The following RFX8 variants were observed in gnomAD, a reference collection of about 807,000 sequenced individuals.
RFX8 encodes regulatory factor X8.
RFX8 carries 46 observed loss-of-function variants against 54.6 expected under a neutral mutation model. The observed-to-expected ratio is 0.84, with a 90% CI of 0.67 to 1.08. The LOEUF (loss-of-function observed/expected upper bound fraction) is 1.08. Among genes scored for constraint, RFX8 ranks in the 50% least tolerant of loss-of-function variants. The pLI, the probability that RFX8 is intolerant of heterozygous loss-of-function variation, is 0.00. For missense variants in RFX8, 536 were observed against 562.3 expected, an observed-to-expected ratio of 0.95 and a Z score of 0.47; for synonymous variants, 192 against 209.5, an observed-to-expected ratio of 0.92 and a Z score of 0.72.
Position 101,419,079 on chromosome 2 carries a change from T to G in RFX8, c.238-115A>C. The G allele has an allele frequency of 4.8e-6, 3 of 629,206 alleles. No individual in the cohort carries two copies. In the South Asian group the frequency reaches 5.7e-5, roughly 12 times the overall value. 39.0% of individuals were successfully genotyped at this position (629,206 alleles called of 1,614,324 possible). On this transcript the variant is annotated intron_variant, in intron 4 of 11. Coordinates refer to ENST00000428343, the MANE Select transcript of RFX8 (RefSeq NM_001145664.2). ...GACAATGGGATGAATTTTGTTCCAG[T>G]GCGTGTAAAGCTTTGCCTCTCAGCT...
At chr2:101,474,184 A>G in intron 1 of RFX8, 2 of 604,662 alleles carry the variant, frequency 3.3e-6, no homozygotes, top group South Asian at 1.7e-5. Flanking sequence ...CCAGCGTCCC[A>G]GGCGCCTGGC....
At chr2:101,474,059 AGCATCAGAAAGCGCTGGGCCTG>A in intron 1 of RFX8, 1 of 471,062 alleles carries the variant, frequency 2.1e-6, no homozygotes, top group Non-Finnish European at 3.8e-6. Context: ...GCGGCGGGCG[AGCATCAGAAAGCGCTGGGCCTG>A]GGGCCGCTCC....
chr2:101,417,417 G>T lies in RFX8; in HGVS notation c.502+117C>A. On this transcript the variant is annotated intron_variant, in intron 6 of 11. Transcript: ENST00000428343. ...GACAGGATCTCACTATGTTGCCCGG[G>T]CTGGTCTCAAACTCCTGGCCTCAAG... The T allele has an allele frequency of 3.4e-6, 3 of 881,530 alleles. No individual in the cohort carries two copies. The South Asian group carries it at 5.6e-5, about 16-fold the overall frequency. 54.6% of individuals were successfully genotyped at this position (881,530 alleles called of 1,614,324 possible).
At chr2:101,417,473 T>A in intron 6 of RFX8, 61 bp downstream of exon 6, 1 of 1,473,416 alleles carries the variant, frequency 6.8e-7, no homozygotes, top group Non-Finnish European at 9.1e-7. Flanking sequence ...TCCAAAGTGC[T>A]GGGATTACAG....
chr2:101,469,073 TATATAA>T (rs1419264210), intron 1 of RFX8, among the ~76,000 whole-genome samples: 1 of 8,514 alleles, frequency 1.2e-4, no homozygotes, highest in African/African-American at 6.0e-4. Flanking sequence ...TATGTATATA[TATATAA>T]GTGTATATAT....
At chr2:101,404,299 G>A (rs556988074) in intron 10 of RFX8, among the ~76,000 whole-genome samples, 4 of 152,272 alleles carry the variant, frequency 2.6e-5, no homozygotes, top group African/African-American at 7.2e-5. Flanking sequence ...TGACAACATC[G>A]TCTTTCCTAT....
intron 2 of RFX8, chr2:101,452,434 C>G: frequency 7.4e-7 from 1 of 1,356,722 alleles, no homozygotes; most frequent in Non-Finnish European, 9.5e-7. Flanking sequence ...TCCGGAAAAA[C>G]CAATCTCACA....
chr2:101,434,646 C>A (rs191512804), intron 2 of RFX8, among the ~76,000 whole-genome samples: 4 of 152,200 alleles, frequency 2.6e-5, no homozygotes, highest in African/African-American at 7.2e-5. Flanking sequence ...TGAGCGGTAC[C>A]TCCTTTTAAA....
chr2:101,410,372 CCCAA>C (rs1288374187), intron 9 of RFX8, among the ~76,000 whole-genome samples: 1 of 139,966 alleles, frequency 7.1e-6, no homozygotes, highest in African/African-American at 2.7e-5. Context: ...CTCCCACACA[CCCAA>C]ACATATGCCC....
chr2:101,474,518 G>C (rs956994141), intron 1 of RFX8, 118 bp downstream of exon 1: 2 of 329,404 alleles, frequency 6.1e-6, no homozygotes, highest in East Asian at 9.3e-5. Context: ...GAGGATGCGC[G>C]GACCCCGCCC....
intron 2 of RFX8, chr2:101,450,599 A>G (rs1203724862): frequency 6.8e-7 from 1 of 1,472,706 alleles, no homozygotes; most frequent in African/African-American, 1.4e-5. Flanking sequence ...CTAACCTGTG[A>G]TACCTTTTTT....
intron 1 of RFX8, among the ~76,000 whole-genome samples, chr2:101,471,062 G>A (rs1045692747): frequency 6.6e-6 from 1 of 150,836 alleles, no homozygotes; most frequent in African/African-American, 2.4e-5. Context: ...AACTGGGCGC[G>A]GTGGCTCATG....
chr2:101,458,893 G>C (rs927441184), intron 2 of RFX8, among the ~76,000 whole-genome samples: 1 of 152,092 alleles, frequency 6.6e-6, no homozygotes, highest in Non-Finnish European at 1.5e-5. Flanking sequence ...ATATTTCTTG[G>C]CGGCTTTGTT....
At chr2:101,432,522 C>G (rs1436903583) in intron 2 of RFX8, among the ~76,000 whole-genome samples, 1 of 152,180 alleles carries the variant, frequency 6.6e-6, no homozygotes, top group Non-Finnish European at 1.5e-5. Flanking sequence ...GGGGCCACTA[C>G]CCAAGAGCAG....
chr2:101,427,872 C>T (rs1219319613), intron 2 of RFX8, among the ~76,000 whole-genome samples: 1 of 152,186 alleles, frequency 6.6e-6, no homozygotes, highest in Non-Finnish European at 1.5e-5. Context: ...CCATTCAGCC[C>T]TCAAGAAGGC....
In RFX8 at chr2:101,402,600, A is replaced by C; in HGVS notation, c.1081T>G (p.Phe361Val). ...GACAGTGAGGAATTCAGAGAATGGA[A>C]AAGTGCCTGGTCTGGCTGGCCGAGA... ...PTLGQPDQAL[F>V]HSLNSSLSQA... Residue 361 changes from phenylalanine to valine, a missense_variant, in exon 11 of 12, where the codon TTC becomes GTC. By Grantham distance (50) the Phe-to-Val change is conservative (BLOSUM62 -1). Coordinates refer to ENST00000428343, the MANE Select transcript of RFX8 (RefSeq NM_001145664.2). The C allele has an allele frequency of 6.4e-7, 1 of 1,552,082 alleles. No homozygotes were observed. The highest frequency in any genetic ancestry group is 8.7e-7 in the Non-Finnish European group (1 of 1,147,104).
chr2:101,470,285 A>G (rs1202092713), intron 1 of RFX8, among the ~76,000 whole-genome samples: 4 of 152,126 alleles, frequency 2.6e-5, no homozygotes, highest in African/African-American at 9.7e-5. Flanking sequence ...TTTTATGTCT[A>G]CCATCAAAAT....
intron 2 of RFX8, among the ~76,000 whole-genome samples, chr2:101,438,533 C>T (rs990822392): frequency 2.6e-5 from 4 of 152,176 alleles, no homozygotes; most frequent in African/African-American, 9.7e-5. Context: ...CTTAAACTTG[C>T]TATGAATGTT....
intron 1 of RFX8, chr2:101,474,054 G>A (rs985602469): frequency 1.3e-5 from 6 of 467,588 alleles, no homozygotes; most frequent in African/African-American, 1.0e-4. Context: ...GCGCTGCGGC[G>A]GGCGAGCATC....
Sources: allele counts gnomAD v4.1 joint callset (sites outside exome capture counted in the v4.1 genomes callset), GRCh38; gene constraint gnomAD v4.1.1; transcripts MANE v1.5; gene names NCBI Gene and HGNC (gene_info 2026-07-23, HGNC 2026-07-21).